The following RBFOX1 variants were observed in gnomAD, a reference collection of about 807,000 sequenced individuals.
The protein encoded by RBFOX1 is RNA binding protein fox-1 homolog 1.
A neutral mutation model predicts 57.7 loss-of-function variants in RBFOX1; 8 were observed. The observed-to-expected ratio is 0.14, with a 90% confidence interval of 0.08 to 0.25. The LOEUF (loss-of-function observed/expected upper bound fraction) is 0.25. Ranked by LOEUF, RBFOX1 falls within the 10% of genes least tolerant of loss-of-function variation. The probability of loss-of-function intolerance (pLI) is 1.00; values close to 1 mark genes in which losing one functional copy is unlikely to be tolerated. For missense variants in RBFOX1, 611 were observed against 548.5 expected (o/e 1.11, Z -1.14); for synonymous variants, 326 against 222.4 (o/e 1.47, Z -4.15).
At chr16:6,904,279 GAGGCACGAGTGGT>G (rs2069204613) in intron 3 of RBFOX1, among the ~76,000 whole-genome samples, 1 of 152,112 alleles carries the variant, frequency 6.6e-6, no homozygotes, top group Non-Finnish European at 1.5e-5. Context: ...TGTTCTCTGT[GAGGCACGAGTGGT>G]AGGCTTATGA....
intron 4 of RBFOX1, among the ~76,000 whole-genome samples, chr16:7,344,802 C>G (rs546918892): frequency 1.3e-5 from 2 of 152,318 alleles, no homozygotes; most frequent in African/African-American, 4.8e-5. Flanking sequence ...TCCCGCAGAC[C>G]ACACAATTCT....
chr16:5,338,939 G>C (rs972450640), intron 1 of RBFOX1, among the ~76,000 whole-genome samples: 16 of 152,060 alleles, frequency 1.1e-4, no homozygotes, highest in Non-Finnish European at 2.2e-4. Context: ...TGTACATCAT[G>C]ATGTTTTGAA....
At chr16:6,838,344 C>A (rs549155550) in intron 3 of RBFOX1, among the ~76,000 whole-genome samples, 5 of 152,148 alleles carry the variant, frequency 3.3e-5, no homozygotes, top group Non-Finnish European at 5.9e-5. Context: ...CATGTCCCTG[C>A]AAAGACCATT....
At chr16:6,172,656 A>G (rs760976284) in intron 1 of RBFOX1, among the ~76,000 whole-genome samples, 18 of 152,174 alleles carry the variant, frequency 1.2e-4, no homozygotes, top group Non-Finnish European at 2.6e-4. Flanking sequence ...ACTTCATCAC[A>G]TTGTTTAACC....
At chr16:6,933,705 A>G (rs1007477829) in intron 3 of RBFOX1, among the ~76,000 whole-genome samples, 5 of 152,236 alleles carry the variant, frequency 3.3e-5, no homozygotes, top group African/African-American at 1.2e-4. Context: ...ACAGCACGAG[A>G]CTGCGTCTCA....
At chr16:6,022,033 A>G (rs2095090327) in intron 1 of RBFOX1, among the ~76,000 whole-genome samples, 1 of 152,196 alleles carries the variant, frequency 6.6e-6, no homozygotes, top group African/African-American at 2.4e-5. Context: ...AGTAAGGAAC[A>G]GAAGCCTCAA....
At chr16:7,647,771 T>C (rs1264020802) in intron 11 of RBFOX1, among the ~76,000 whole-genome samples, 1 of 152,186 alleles carries the variant, frequency 6.6e-6, no homozygotes, top group Admixed American at 6.5e-5. Flanking sequence ...CTTTATTAAA[T>C]AGTCATTCAT....
At chr16:5,501,423 T>A (rs1337317721) in intron 2 of RBFOX1, among the ~76,000 whole-genome samples, 1 of 151,030 alleles carries the variant, frequency 6.6e-6, no homozygotes, top group Admixed American at 6.6e-5. Flanking sequence ...AGACAAACTA[T>A]GCGGACGCCC....
At chr16:6,941,779 A>G (rs1310600071) in intron 3 of RBFOX1, among the ~76,000 whole-genome samples, 1 of 152,148 alleles carries the variant, frequency 6.6e-6, no homozygotes, top group African/African-American at 2.4e-5. Flanking sequence ...AGGCAGGTGA[A>G]CTCATACTCA....
intron 4 of RBFOX1, among the ~76,000 whole-genome samples, chr16:5,901,411 G>A (rs1175316361): frequency 1.3e-5 from 2 of 152,196 alleles, no homozygotes; most frequent in Non-Finnish European, 2.9e-5. Context: ...ATGTAAGGAT[G>A]AAATATAACT....
At chr16:5,490,275 A>G (rs1390643608) in intron 2 of RBFOX1, among the ~76,000 whole-genome samples, 1 of 152,236 alleles carries the variant, frequency 6.6e-6, no homozygotes, top group African/African-American at 2.4e-5. Context: ...TAAGTGACAT[A>G]CATGCTTCAT....
intron 3 of RBFOX1, among the ~76,000 whole-genome samples, chr16:5,661,212 A>C (rs2049636431): frequency 6.6e-6 from 1 of 152,110 alleles, no homozygotes; most frequent in African/African-American, 2.4e-5. Context: ...TATTTATTAC[A>C]AACATTCCAC....
chr16:6,095,555 G>C (rs549809869), intron 1 of RBFOX1, among the ~76,000 whole-genome samples: 4 of 152,274 alleles, frequency 2.6e-5, no homozygotes, highest in Admixed American at 2.6e-4. Flanking sequence ...GAAATGCTCG[G>C]TCTGCCATTC....
At chr16:6,015,285 C>G (rs192241518), upstream of RBFOX1, among the ~76,000 whole-genome samples, 9 of 152,148 alleles carry the variant, frequency 5.9e-5, no homozygotes, top group East Asian at 9.6e-4. Context: ...ATCTACAAAT[C>G]CCTGGAATTC....
chr16:5,669,519 A>C (rs1032220695), intron 3 of RBFOX1, among the ~76,000 whole-genome samples: 23 of 145,258 alleles, frequency 1.6e-4, no homozygotes, highest in African/African-American at 5.6e-4. Flanking sequence ...TCCCTGGTTC[A>C]AGCAATTCTC....
chr16:7,393,463 A>G (rs971302886), intron 4 of RBFOX1, among the ~76,000 whole-genome samples: 6 of 152,124 alleles, frequency 3.9e-5, no homozygotes, highest in Non-Finnish European at 1.5e-5. Context: ...TATAGTTTCT[A>G]TATAATTTTC....
At chr16:7,605,200 C>G (rs563310226) in intron 9 of RBFOX1, among the ~76,000 whole-genome samples, 72 of 152,108 alleles carry the variant, frequency 4.7e-4, no homozygotes, top group African/African-American at 1.7e-3. Context: ...TTCAGTTGAT[C>G]AAATTGAAGT....
At chr16:7,668,089 G>A (rs527690173) in intron 13 of RBFOX1, among the ~76,000 whole-genome samples, 2 of 152,226 alleles carry the variant, frequency 1.3e-5, no homozygotes, top group South Asian at 4.2e-4. Flanking sequence ...CTCCATCCTG[G>A]CAGTATATCA....
intron 1 of RBFOX1, among the ~76,000 whole-genome samples, chr16:5,379,105 A>C (rs1018504569): frequency 6.6e-6 from 1 of 151,562 alleles, no homozygotes; most frequent in Admixed American, 6.5e-5. Flanking sequence ...GCATCAACCT[A>C]ATGCATCAAC....
Sources: allele counts gnomAD v4.1 joint callset (sites outside exome capture counted in the v4.1 genomes callset), GRCh38; gene constraint gnomAD v4.1.1; transcripts MANE v1.5; gene names NCBI Gene and HGNC (gene_info 2026-07-23, HGNC 2026-07-21).